TLR5: variants seen among roughly 807,000 people sequenced by gnomAD.
TLR5 encodes the protein toll like receptor 5, also known as toll-like receptor 5.
For missense variants in TLR5, 944 were observed against 999.8 expected (o/e 0.94, Z 0.75); for synonymous variants, 373 against 384.4 (o/e 0.97, Z 0.35).
At chr1:223,125,590 T>C (rs1035113677) in intron 5 of TLR5, among the ~76,000 whole-genome samples, 1 of 138,200 alleles carries the variant, frequency 7.2e-6, no homozygotes, top group Non-Finnish European at 1.5e-5. Context: ...TGAGCCTCTT[T>C]GGGATTGGCG....
At chr1:223,116,876 G>A (rs1475071829) in intron 5 of TLR5, among the ~76,000 whole-genome samples, 11 of 152,218 alleles carry the variant, frequency 7.2e-5, no homozygotes. Context: ...GTCCCCACCT[G>A]ACTCAGGAGC....
intron 2 of TLR5, among the ~76,000 whole-genome samples, chr1:223,139,686 G>A (rs1425348055): frequency 4.6e-5 from 7 of 152,128 alleles, no homozygotes; most frequent in Non-Finnish European, 2.9e-5. Flanking sequence ...GGCTAAAGAG[G>A]ATATGCTGGG....
At chr1:223,117,797 A>C (rs1452933217) in intron 5 of TLR5, among the ~76,000 whole-genome samples, 2 of 152,162 alleles carry the variant, frequency 1.3e-5, no homozygotes, top group African/African-American at 4.8e-5. Context: ...AGGGGTGGGT[A>C]TCACCCCTGT....
intron 2 of TLR5, among the ~76,000 whole-genome samples, chr1:223,139,604 G>A (rs965889116): frequency 1.3e-5 from 2 of 152,134 alleles, no homozygotes; most frequent in African/African-American, 4.8e-5. Context: ...CCTAGGCCTG[G>A]GGAGCTACCT....
chr1:223,139,772 A>C (rs150141135), intron 2 of TLR5, among the ~76,000 whole-genome samples: 8 of 152,284 alleles, frequency 5.3e-5, no homozygotes, highest in Middle Eastern at 3.4e-3. Flanking sequence ...CCACCACTGC[A>C]TTACACTCAG....
intron 3 of TLR5, among the ~76,000 whole-genome samples, 176 bp from the exon 4 acceptor site, chr1:223,135,040 T>G (rs899360712): frequency 4.6e-5 from 7 of 152,240 alleles, no homozygotes; most frequent in Middle Eastern, 6.8e-3. Context: ...TGAGAACTGT[T>G]CTGAGAGGGA....
intron 5 of TLR5, among the ~76,000 whole-genome samples, chr1:223,115,143 A>C (rs1200508554): frequency 1.3e-5 from 2 of 152,180 alleles, no homozygotes; most frequent in Admixed American, 1.3e-4. Flanking sequence ...GTGAGTACTT[A>C]CATGATTCAG....
intron 4 of TLR5, among the ~76,000 whole-genome samples, chr1:223,133,914 G>A (rs1212683095): frequency 6.6e-6 from 1 of 152,252 alleles, no homozygotes; most frequent in Non-Finnish European, 1.5e-5. Context: ...CGAGCGGGGC[G>A]CGGGGAGCTG....
chr1:223,111,839 G>C lies in TLR5; in HGVS notation c.1193C>G (p.Thr398Ser). The stretch of plus-strand genomic sequence containing the variant: ...GGGTATGCTTGGAATAAAATGAATG[G>C]TTGTAAGAGCATTGTCTCGGAGATC... ...TLDLRDNALT[T>S]IHFIPSIPDI... The change falls in exon 6 of 6, where the codon ACC (threonine) becomes AGC (serine). Residue 398 changes from threonine (T) to serine (S), a missense_variant. Coordinates refer to ENST00000642603, the MANE Select transcript of TLR5 (RefSeq NM_003268.6). 1.9e-6 allele frequency: 3 copies of C among 1,613,880 alleles called. No homozygotes were observed. Among genetic ancestry groups the C allele is most frequent in the Non-Finnish European group, 2.5e-6 (3 of 1,179,866 alleles).
chr1:223,127,763 G>A (rs1657229515), intron 5 of TLR5: 1 of 152,248 alleles, frequency 6.6e-6, no homozygotes, highest in Non-Finnish European at 1.5e-5. Context: ...CACTGTATCT[G>A]GAATTTTTGT....
At chr1:223,119,066 TG>T (rs1656815046) in intron 5 of TLR5, among the ~76,000 whole-genome samples, 2 of 152,150 alleles carry the variant, frequency 1.3e-5, no homozygotes, top group South Asian at 4.1e-4. Context: ...CTTGTGCCAT[TG>T]CACTCCAGCC....
chr1:223,118,516 C>T (rs1183307586), intron 5 of TLR5, among the ~76,000 whole-genome samples: 1 of 150,336 alleles, frequency 6.7e-6, no homozygotes, highest in Non-Finnish European at 1.5e-5. Flanking sequence ...CATTGTACTC[C>T]AGCCTGGGTG....
At position 223,141,816 on chromosome 1, in the gene TLR5, TATATATAGAGAGAGAG is replaced by T. The variant is rs1309934546; in HGVS notation, c.-554-69_-554-54del. 5.8e-3 allele frequency: 252 copies of T among 43,472 alleles called. 1 individual carries two copies. The highest frequency in any genetic ancestry group is 0.025 in the South Asian group (28 of 1,102). The allele number at this position is 43,472 out of a possible 1,614,324, so 2.7% of individuals were successfully genotyped here. On this transcript the variant is annotated intron_variant, in intron 1 of 5. Coordinates refer to ENST00000642603, the MANE Select transcript of TLR5 (RefSeq NM_003268.6). ...ATATATATATATATATATATATATA[TATATATAGAGAGAGAG>T]AGAGAGAGAGAGAGAGAGAGAGAGA...
Position 223,111,627 on chromosome 1 carries a change from G to T in TLR5, c.1405C>A (p.Pro469Thr). The T allele has an allele frequency of 6.2e-7, 1 of 1,614,072 alleles. No individual in the cohort carries two copies. The highest frequency in any genetic ancestry group is 8.5e-7 in the Non-Finnish European group (1 of 1,180,010). The change falls in exon 6 of 6, where the codon CCT (proline) becomes ACT (threonine). Residue 469 changes from proline to threonine, a missense_variant. Pro to Thr is a conservative substitution (Grantham distance 38). Coordinates refer to ENST00000642603, the MANE Select transcript of TLR5 (RefSeq NM_003268.6). The part of the protein sequence containing the change: ...RFSSCSGDQT[P>T]SENPSLEQLF... ...TGTTCTAAGCTGGGATTCTCTGAAG[G>T]GGTTTGATCTCCACTACAGGAGGAG...
intron 5 of TLR5, among the ~76,000 whole-genome samples, chr1:223,120,891 G>C (rs1282033042): frequency 6.6e-6 from 1 of 152,188 alleles, no homozygotes; most frequent in Non-Finnish European, 1.5e-5. Flanking sequence ...AGACCAGCCT[G>C]GGCAATATGG....
intron 5 of TLR5, chr1:223,129,431 G>C (rs1296609222): frequency 6.6e-6 from 1 of 152,330 alleles, no homozygotes; most frequent in East Asian, 1.9e-4. Flanking sequence ...GCGGTTTCTG[G>C]ACTAGGAAGG....
chr1:223,129,239 C>T (rs1657299194), intron 5 of TLR5: 1 of 152,416 alleles, frequency 6.6e-6, no homozygotes, highest in East Asian at 1.9e-4. Flanking sequence ...GCTCCTGTCG[C>T]AGAAACCATG....
chr1:223,140,736 C>T (rs1306309130), intron 2 of TLR5, among the ~76,000 whole-genome samples: 1 of 152,144 alleles, frequency 6.6e-6, no homozygotes, highest in Non-Finnish European at 1.5e-5. Context: ...CCTGGCCAAG[C>T]CCTTGATGGT....
chr1:223,113,078 C>G, intron 5 of TLR5, 43 bp from the exon 6 acceptor site: 1 of 1,592,322 alleles, frequency 6.3e-7, no homozygotes, highest in Non-Finnish European at 8.6e-7. Context: ...CATTTAAGCT[C>G]GAGGTATTGC....
Sources: allele counts gnomAD v4.1 joint callset (sites outside exome capture counted in the v4.1 genomes callset), GRCh38; gene constraint gnomAD v4.1.1; transcripts MANE v1.5; gene names NCBI Gene and HGNC (gene_info 2026-07-23, HGNC 2026-07-21).